Variants in ABCA10 observed in about 807,000 individuals in gnomAD.
ABCA10 encodes the protein ATP binding cassette subfamily A member 10, also known as ATP-binding cassette sub-family A member 10.
In ABCA10, 169 loss-of-function variants were observed where a neutral mutation model predicts 187.5. That is an observed-to-expected ratio of 0.90 (90% CI 0.80 to 1.02). The LOEUF is 1.02. Ranked by LOEUF, ABCA10 falls within the 50% of genes least tolerant of loss-of-function variation. The probability of loss-of-function intolerance (pLI) is 0.00; values close to 1 mark genes in which losing one functional copy is unlikely to be tolerated. For synonymous variants in ABCA10, 574 were observed against 601.8 expected, an observed-to-expected ratio of 0.95 and a Z score of 0.68; for missense variants, 1,727 against 1,812.4, an observed-to-expected ratio of 0.95 and a Z score of 0.86.
At chr17:69,241,393 T>C (rs897896611) in intron 1 of ABCA10, among the ~76,000 whole-genome samples, 2 of 152,244 alleles carry the variant, frequency 1.3e-5, no homozygotes, top group Non-Finnish European at 1.5e-5. Flanking sequence ...CCCTCATATC[T>C]GATTATTTTC....
At chr17:69,194,017 C>A in intron 12 of ABCA10, 28 bp from the exon 13 acceptor site, 1 of 1,539,388 alleles carries the variant, frequency 6.5e-7, no homozygotes, top group Non-Finnish European at 8.8e-7. Context: ...AAAGGCTTTA[C>A]TGCCAGAATG....
intron 30 of ABCA10, 84 bp downstream of exon 30, chr17:69,154,935 G>T (rs1159018522): frequency 3.3e-6 from 3 of 913,134 alleles, no homozygotes; most frequent in Non-Finnish European, 5.0e-6. Context: ...CAGTCTCAAT[G>T]AATAAAAATT....
intron 8 of ABCA10, 99 bp downstream of exon 8, chr17:69,215,716 A>G (rs1471434468): frequency 8.6e-7 from 1 of 1,162,492 alleles, no homozygotes; most frequent in Non-Finnish European, 1.1e-6. Flanking sequence ...CTTAAAACAC[A>G]GAGTGGCTGA....
At chr17:69,225,609 C>A in intron 2 of ABCA10, 80 bp from the exon 3 acceptor site, 2 of 405,236 alleles carry the variant, frequency 4.9e-6, no homozygotes, top group Non-Finnish European at 8.8e-6. Flanking sequence ...ATTTTTAAGG[C>A]AGAATGTATT....
chr17:69,151,825 GC>G (rs2074130822), intron 36 of ABCA10, among the ~76,000 whole-genome samples: 2 of 151,878 alleles, frequency 1.3e-5, no homozygotes, highest in Non-Finnish European at 2.9e-5. Context: ...ATATATGAAT[GC>G]ACACACACAC....
At chr17:69,169,581 G>A (rs535936205) in intron 25 of ABCA10, among the ~76,000 whole-genome samples, 14 of 152,328 alleles carry the variant, frequency 9.2e-5, no homozygotes, top group African/African-American at 3.4e-4. Flanking sequence ...AACAAGGTGG[G>A]AAGGTTTGCT....
chr17:69,203,620 G>C (rs1326683043), intron 9 of ABCA10, among the ~76,000 whole-genome samples: 1 of 152,130 alleles, frequency 6.6e-6, no homozygotes, highest in African/African-American at 2.4e-5. Flanking sequence ...GTATCCACCT[G>C]CTTTGAGCCC....
rs548058208 is a variant in ABCA10, at chr17:69,208,143, C to T, written c.1007-6475G>A. Among the ~76,000 whole-genome samples, 6 of 152,092 alleles carry T rather than the reference C, an allele frequency of 3.9e-5. 1 individual carries two copies. Among genetic ancestry groups the T allele is most frequent in the African/African-American group, 9.6e-5 (4 of 41,500 alleles). ...TATAAGAATGTATTAGGAGGCCAGGCGCGGTGGCTCACGCCTGTAATCCCA... is the reference window on the plus strand; with the variant it reads ...TATAAGAATGTATTAGGAGGCCAGGTGCGGTGGCTCACGCCTGTAATCCCA... On this transcript the variant is annotated intron_variant, in intron 9 of 38. Coordinates refer to ENST00000690296, the MANE Select transcript of ABCA10 (RefSeq NM_001377321.1).
chr17:69,170,140 T>C (rs1433714786), intron 25 of ABCA10, among the ~76,000 whole-genome samples: 1 of 151,778 alleles, frequency 6.6e-6, no homozygotes, highest in African/African-American at 2.4e-5. Context: ...ATAAAAAATT[T>C]AGCTGGGCAT....
Position 69,153,768 on chromosome 17 carries a change from T to C in ABCA10, c.3965+63A>G, listed in dbSNP as rs369395944. On this transcript the variant is annotated intron_variant, in intron 32 of 38. Transcript: ENST00000690296. ...TTGTTTATAATTTCCTTTTAATATATAATGAAGAAATGACATATTTTCCCC... is the reference window on the plus strand; with the variant it reads ...TTGTTTATAATTTCCTTTTAATATACAATGAAGAAATGACATATTTTCCCC... 1.3e-5 allele frequency: 20 copies of C among 1,533,844 alleles called. No homozygotes were observed. The African/African-American group carries it at 1.7e-4, about 13-fold the overall frequency.
Position 69,174,783 on chromosome 17 carries a change from A to G in ABCA10, c.2878-6T>C, listed in dbSNP as rs762369357. ...AACTGGGATTGAACATTTTTCTGAC[A>G]AAGAATAGAAGGGATAGAGGAAGGG... On this transcript the variant is annotated splice_region_variant and splice_polypyrimidine_tract_variant and intron_variant, in intron 23 of 38. Coordinates refer to ENST00000690296, the MANE Select transcript of ABCA10 (RefSeq NM_001377321.1). 24 of 1,572,788 alleles carry G rather than the reference A, an allele frequency of 1.5e-5. No homozygotes were observed. Among genetic ancestry groups the G allele is most frequent in the Non-Finnish European group, 2.1e-5 (24 of 1,165,492 alleles).
At chr17:69,240,056 C>G (rs575530777) in intron 1 of ABCA10, among the ~76,000 whole-genome samples, 115 of 152,196 alleles carry the variant, frequency 7.6e-4, no homozygotes, top group Non-Finnish European at 1.4e-3. Flanking sequence ...GGATTCTTGC[C>G]AGGACATTAA....
chr17:69,151,631 A>G (rs2144750445), intron 36 of ABCA10, among the ~76,000 whole-genome samples: 1 of 152,330 alleles, frequency 6.6e-6, no homozygotes, highest in Admixed American at 6.5e-5. Context: ...TTTAGGATAG[A>G]GTCAATCCTT....
At chr17:69,172,067 A>T (rs2094340405) in intron 25 of ABCA10, among the ~76,000 whole-genome samples, 2 of 152,094 alleles carry the variant, frequency 1.3e-5, no homozygotes, top group African/African-American at 4.8e-5. Context: ...TGTTAATAAA[A>T]ATGCTTATTT....
At chr17:69,178,876 G>C (rs1019154189) in intron 22 of ABCA10, 1 of 152,050 alleles carries the variant, frequency 6.6e-6, no homozygotes, top group Non-Finnish European at 1.5e-5. Flanking sequence ...ATTTCCATTT[G>C]AATATTTTAA....
intron 25 of ABCA10, among the ~76,000 whole-genome samples, chr17:69,169,680 G>T (rs1406817604): frequency 6.6e-6 from 1 of 152,178 alleles, no homozygotes; most frequent in Non-Finnish European, 1.5e-5. Context: ...GAAAGGCCAG[G>T]AATAGTCTTG....
intron 22 of ABCA10, 114 bp from the exon 23 acceptor site, chr17:69,175,627 A>G: frequency 1.3e-6 from 1 of 752,890 alleles, no homozygotes; most frequent in Non-Finnish European, 2.0e-6. Flanking sequence ...ACCTGATTTA[A>G]GAAGCAAAGA....
chr17:69,185,635 AC>A lies in ABCA10; in HGVS notation c.2338del (p.Val780TyrfsTer11), dbSNP rs765349454. ...GATGGGGATAAAAGCAATTCCAAGT[AC>A]TAGTAACCTAAGTAAAACAAAATTA... ...ERRALLCLLLVLGIAFIPIIL... is the reference protein window; with the variant it reads ...ERRALLCLLLXLGIAFIPIIL... On this transcript the variant is annotated frameshift_variant, in exon 20 of 39. Coordinates refer to ENST00000690296, the MANE Select transcript of ABCA10 (RefSeq NM_001377321.1). 4 of 1,594,690 alleles carry A rather than the reference AC, an allele frequency of 2.5e-6. No homozygotes were observed. Among genetic ancestry groups the A allele is most frequent in the Middle Eastern group, 1.7e-4 (1 of 5,798 alleles).
intron 22 of ABCA10, among the ~76,000 whole-genome samples, chr17:69,180,098 C>G (rs1383451595): frequency 6.6e-6 from 1 of 152,082 alleles, no homozygotes; most frequent in Non-Finnish European, 1.5e-5. Context: ...AAAATAATAT[C>G]TTAGTTGAAT....
Sources: allele counts gnomAD v4.1 joint callset (sites outside exome capture counted in the v4.1 genomes callset), GRCh38; gene constraint gnomAD v4.1.1; transcripts MANE v1.5; gene names NCBI Gene and HGNC (gene_info 2026-07-23, HGNC 2026-07-21).